The following TMEM178A variants were observed in gnomAD, a reference collection of about 807,000 sequenced individuals.
The protein encoded by TMEM178A is transmembrane protein 178A.
A neutral mutation model predicts 29.1 loss-of-function variants in TMEM178A; 12 were observed. The observed-to-expected ratio is 0.41, with a 90% CI of 0.26 to 0.67. The LOEUF (loss-of-function observed/expected upper bound fraction) is 0.67. Ranked by LOEUF, TMEM178A falls within the 30% of genes least tolerant of loss-of-function variation. The pLI, the probability that TMEM178A is intolerant of heterozygous loss-of-function variation, is 0.29. For missense variants in TMEM178A, 366 were observed against 419.1 expected (o/e 0.87, Z 1.11); for synonymous variants, 210 against 187.2 (o/e 1.12, Z -0.99).
chr2:39,725,222 C>G, the TMEM178A span, among the ~76,000 whole-genome samples: 3 of 152,130 alleles, frequency 2.0e-5, no homozygotes, highest in African/African-American at 7.2e-5. Flanking sequence ...AGAACCCTAT[C>G]CCAAACACCC....
chr2:39,718,771 G>A (rs762129291), downstream of TMEM178A, among the ~76,000 whole-genome samples: 4 of 152,036 alleles, frequency 2.6e-5, no homozygotes, highest in Non-Finnish European at 5.9e-5. Context: ...TTCAGCGGAG[G>A]GTGGGGCACT....
In TMEM178A at chr2:39,717,283, C is replaced by A. The variant is rs142536971; in HGVS notation, c.*32C>A. 6.2e-7 allele frequency: 1 copy of A among 1,605,692 alleles called. No homozygotes were observed. The highest frequency in any genetic ancestry group is 2.2e-5 in the East Asian group (1 of 44,758). ...TCACTGGGCCTGTCCACAGTGCGAGCGACTCCTGAGGGGAACAGCGCGGAG... is the reference window on the plus strand; with the variant it reads ...TCACTGGGCCTGTCCACAGTGCGAGAGACTCCTGAGGGGAACAGCGCGGAG... On this transcript the variant is annotated 3_prime_UTR_variant, in exon 4 of 4. Transcript: ENST00000281961.
At chr2:39,676,523 T>C (rs1670630863) in intron 1 of TMEM178A, among the ~76,000 whole-genome samples, 1 of 152,200 alleles carries the variant, frequency 6.6e-6, no homozygotes, top group African/African-American at 2.4e-5. Context: ...TTCCCACCGG[T>C]CTCATTGGCT....
At chr2:39,721,171 G>A (rs924068391), downstream of TMEM178A, among the ~76,000 whole-genome samples, 1 of 152,234 alleles carries the variant, frequency 6.6e-6, no homozygotes, top group Non-Finnish European at 1.5e-5. Flanking sequence ...TGGAAGAAGA[G>A]GAAGTTTTCT....
At chr2:39,709,757 C>T (rs1401301133) in intron 3 of TMEM178A, among the ~76,000 whole-genome samples, 1 of 152,210 alleles carries the variant, frequency 6.6e-6, no homozygotes, top group African/African-American at 2.4e-5. Context: ...ATGGGAAAGG[C>T]CCCATAACAC....
intron 1 of TMEM178A, among the ~76,000 whole-genome samples, chr2:39,695,132 C>G (rs928100852): frequency 5.3e-5 from 8 of 152,162 alleles, no homozygotes; most frequent in African/African-American, 1.9e-4. Context: ...CTACCCTGTC[C>G]TATGACTGCA....
chr2:39,721,129 A>G (rs183252420), downstream of TMEM178A, among the ~76,000 whole-genome samples: 1 of 152,366 alleles, frequency 6.6e-6, no homozygotes, highest in African/African-American at 2.4e-5. Context: ...TTTAAATTGC[A>G]TATGAATTTC....
chr2:39,695,384 A>G (rs1012582976), intron 1 of TMEM178A, among the ~76,000 whole-genome samples: 3 of 150,784 alleles, frequency 2.0e-5, no homozygotes, highest in African/African-American at 7.3e-5. Flanking sequence ...TCCCTGCTTA[A>G]GGAACTTGGG....
intron 1 of TMEM178A, among the ~76,000 whole-genome samples, chr2:39,703,536 A>G (rs1671888332): frequency 6.6e-6 from 1 of 152,206 alleles, no homozygotes; most frequent in Admixed American, 6.5e-5. Flanking sequence ...TCTAGAATTC[A>G]GGTCAGTATA....
chr2:39,675,897 A>G (rs1014241629), intron 1 of TMEM178A, among the ~76,000 whole-genome samples: 8 of 151,726 alleles, frequency 5.3e-5, no homozygotes, highest in African/African-American at 1.9e-4. Flanking sequence ...GTCCCACCTC[A>G]GCTTCTGGAG....
At chr2:39,713,893 A>G (rs1170727657) in intron 3 of TMEM178A, among the ~76,000 whole-genome samples, 1 of 152,078 alleles carries the variant, frequency 6.6e-6, no homozygotes, top group East Asian at 1.9e-4. Flanking sequence ...TGAATTTAGG[A>G]TTTTTTGTTT....
chr2:39,716,969 A>G (rs762535118), intron 3 of TMEM178A, 41 bp from the exon 4 acceptor site: 1 of 1,581,638 alleles, frequency 6.3e-7, no homozygotes, highest in Non-Finnish European at 8.6e-7. Context: ...GTAACAGGCA[A>G]ACTGTAACTA....
At chr2:39,696,596 C>G (rs1459537949) in intron 1 of TMEM178A, among the ~76,000 whole-genome samples, 4 of 152,194 alleles carry the variant, frequency 2.6e-5, no homozygotes, top group Admixed American at 6.5e-5. Context: ...AACTAGGATT[C>G]AAACCCAAGT....
intron 3 of TMEM178A, among the ~76,000 whole-genome samples, chr2:39,708,955 A>G (rs1352682358): frequency 6.6e-6 from 1 of 152,240 alleles, no homozygotes; most frequent in East Asian, 1.9e-4. Context: ...TTCACACAGT[A>G]TACTCAGCAA....
intron 1 of TMEM178A, among the ~76,000 whole-genome samples, chr2:39,700,401 G>T (rs1279841089): frequency 2.0e-5 from 3 of 152,034 alleles, no homozygotes; most frequent in Admixed American, 2.0e-4. Context: ...TTGATGGATA[G>T]ACCCATTTAT....
At chr2:39,735,414 G>A in the TMEM178A span, among the ~76,000 whole-genome samples, 556 of 152,272 alleles carry the variant, frequency 3.7e-3, 2 homozygotes, top group South Asian at 0.019. Flanking sequence ...TCTACCAAAA[G>A]CAGATAGCCC....
chr2:39,680,716 G>C lies in TMEM178A; in HGVS notation c.400+14342G>C, dbSNP rs112239562. Among the ~76,000 whole-genome samples the C allele has an allele frequency of 6.3e-3, 960 of 152,126 alleles. 14 individuals carry two copies. The highest frequency in any genetic ancestry group is 0.022 in the African/African-American group (900 of 41,460). On this transcript the variant is annotated intron_variant, in intron 1 of 3. Transcript: ENST00000281961. Reference sequence around the variant, plus strand: ...ATTGCCCATTTTAAATTTCTTTGAAGAAGTTTTGAAAAGATTTTGATGAAA... The same window carrying C: ...ATTGCCCATTTTAAATTTCTTTGAACAAGTTTTGAAAAGATTTTGATGAAA...
chr2:39,708,425 T>TG (rs1215934931), intron 3 of TMEM178A, among the ~76,000 whole-genome samples: 1 of 139,556 alleles, frequency 7.2e-6, no homozygotes, highest in Non-Finnish European at 1.6e-5. Context: ...TTTTTTTTTT[T>TG]TTTTTTTTTT....
At chr2:39,702,197 A>G (rs1671810747) in intron 1 of TMEM178A, among the ~76,000 whole-genome samples, 1 of 151,598 alleles carries the variant, frequency 6.6e-6, no homozygotes, top group Non-Finnish European at 1.5e-5. Context: ...TATTGTTTTT[A>G]TTGTTGTTGC....
Sources: allele counts gnomAD v4.1 joint callset (sites outside exome capture counted in the v4.1 genomes callset), GRCh38; gene constraint gnomAD v4.1.1; transcripts MANE v1.5; gene names NCBI Gene and HGNC (gene_info 2026-07-23, HGNC 2026-07-21).